Variants in PLCE1 observed in about 807,000 individuals in gnomAD.
PLCE1 encodes the protein 1-phosphatidylinositol 4,5-bisphosphate phosphodiesterase epsilon-1.
A neutral mutation model predicts 242.8 loss-of-function variants in PLCE1; 119 were observed. The ratio of observed to expected loss-of-function variants is 0.49; its 90% CI spans 0.42 to 0.57. The LOEUF (loss-of-function observed/expected upper bound fraction) is 0.57, where lower values mean the gene tolerates loss of function less well. Among genes scored for constraint, PLCE1 ranks in the 20% least tolerant of loss-of-function variants. The probability of loss-of-function intolerance (pLI) is 0.00; values close to 1 mark genes in which losing one functional copy is unlikely to be tolerated. For synonymous variants in PLCE1, 945 were observed against 1,017.4 expected, an observed-to-expected ratio of 0.93 and a Z score of 1.35; for missense variants, 2,441 against 2,788.8, an observed-to-expected ratio of 0.88 and a Z score of 2.81.
intron 1 of PLCE1, among the ~76,000 whole-genome samples, chr10:94,016,955 A>G (rs1453455827): frequency 6.6e-6 from 1 of 152,180 alleles, no homozygotes; most frequent in Non-Finnish European, 1.5e-5. Flanking sequence ...AATGAACTAT[A>G]CTTAACATGC....
intron 2 of PLCE1, among the ~76,000 whole-genome samples, chr10:94,087,742 C>G (rs1256646841): frequency 6.6e-6 from 1 of 152,126 alleles, no homozygotes; most frequent in Admixed American, 6.5e-5. Flanking sequence ...CATGCCTGTC[C>G]CCAACCTCCT....
rs1589883602 is a variant in PLCE1 at position 94,031,552 on chromosome 10, A to G, written c.506A>G (p.Gln169Arg). The G allele has an allele frequency of 2.5e-6, 4 of 1,612,372 alleles. No homozygotes were observed. The highest frequency in any genetic ancestry group is 3.4e-6 in the Non-Finnish European group (4 of 1,179,798). ...ATGGGCATTAGTCCTTTAGGAAATCAGTCAGTGATCATAGAGACAGGCAGA... is the reference window on the plus strand; with the variant it reads ...ATGGGCATTAGTCCTTTAGGAAATCGGTCAGTGATCATAGAGACAGGCAGA... ...PSMGISPLGNQSVIIETGRAH... is the reference protein window; with the variant it reads ...PSMGISPLGNRSVIIETGRAH... The change falls in exon 2 of 33, where the codon CAG (glutamine) becomes CGG (arginine). Residue 169 changes from glutamine to arginine, a missense_variant. Transcript: ENST00000371380.
chr10:94,084,137 T>C (rs1235471291), intron 2 of PLCE1, among the ~76,000 whole-genome samples: 1 of 152,236 alleles, frequency 6.6e-6, no homozygotes, highest in Non-Finnish European at 1.5e-5. Flanking sequence ...CAGCAGTAGC[T>C]GCCAGCAGTT....
chr10:94,092,260 G>A (rs2045105883), intron 2 of PLCE1, among the ~76,000 whole-genome samples: 1 of 152,124 alleles, frequency 6.6e-6, no homozygotes, highest in Non-Finnish European at 1.5e-5. Context: ...ATTTTGAGAG[G>A]CACGGGTGAG....
rs1398515210 is a variant in PLCE1, at chr10:94,332,708, T to A, written c.*4765T>A. ...TTAAAGGCATAATACAGCTGTGAAA[T>A]AGCTGATGAGTTTCTATTTTAAGCT... On this transcript the variant is annotated 3_prime_UTR_variant, in exon 33 of 33. Transcript: ENST00000371380. The A allele has an allele frequency of 6.6e-6, 1 of 152,194 alleles. No individual in the cohort carries two copies. Among genetic ancestry groups the A allele is most frequent in the African/African-American group, 2.4e-5 (1 of 41,450 alleles). The allele number at this position is 152,194 out of a possible 1,614,324, so 9.4% of individuals were successfully genotyped here. A position where few individuals can be genotyped will look rare whatever the true frequency, so the allele number is the denominator to read the frequency against.
At chr10:94,093,148 A>G (rs1265909158) in intron 2 of PLCE1, among the ~76,000 whole-genome samples, 1 of 152,204 alleles carries the variant, frequency 6.6e-6, no homozygotes, top group Non-Finnish European at 1.5e-5. Flanking sequence ...TTACTTTTGA[A>G]AGTCTAGCAG....
intron 2 of PLCE1, chr10:94,088,257 G>A (rs1298039779): frequency 3.3e-5 from 5 of 152,228 alleles, no homozygotes; most frequent in Non-Finnish European, 7.3e-5. Flanking sequence ...CTTACACATT[G>A]CCTGGCACAG....
chr10:94,290,775 T>C (rs1241724751), intron 22 of PLCE1, among the ~76,000 whole-genome samples: 1 of 152,142 alleles, frequency 6.6e-6, no homozygotes, highest in Non-Finnish European at 1.5e-5. Flanking sequence ...TGATAAAAAG[T>C]ATAGTAAATA....
At position 94,222,652 on chromosome 10, in the gene PLCE1, T is replaced by C. The variant is rs561892099; in HGVS notation, c.1810-4654T>C. 3.9e-5 allele frequency among the ~76,000 whole-genome samples: 6 copies of C among 152,048 alleles called. No homozygotes were observed. In the South Asian group the frequency reaches 1.2e-3, roughly 32 times the overall value. ...TTCCTTTAGGGGGCCAGGGCGTGAG[T>C]ACAAGGGAGGCCCCAGCATGTTGGC... On this transcript the variant is annotated intron_variant, in intron 4 of 32. Coordinates refer to ENST00000371380, the MANE Select transcript of PLCE1 (RefSeq NM_016341.4).
In PLCE1 at chr10:94,141,657, A is replaced by G. The variant is rs2046972371; in HGVS notation, c.1492+9198A>G. On this transcript the variant is annotated intron_variant, in intron 3 of 32. Transcript: ENST00000371380. ...GGAAAGAAAGAAGGAAGGAAAGAAG[A>G]AAGGGAGGGAGGGAGGAAAGAAAGA... Among the ~76,000 whole-genome samples the G allele has an allele frequency of 6.6e-5, 7 of 106,186 alleles. 1 individual carries two copies. The highest frequency in any genetic ancestry group is 2.9e-4 in the African/African-American group (6 of 21,032). 69.7% of individuals were successfully genotyped at this position (106,186 alleles called of 152,430 possible). A position where few individuals can be genotyped will look rare whatever the true frequency, so the allele number is the denominator to read the frequency against.
chr10:94,268,189 C>CAAA (rs2051583836), intron 16 of PLCE1, among the ~76,000 whole-genome samples: 1 of 152,164 alleles, frequency 6.6e-6, no homozygotes. Context: ...TAGGTATCAG[C>CAAA]TCATCTGATT....
Position 94,263,566 on chromosome 10 carries a change from C to G in PLCE1, c.4053+834C>G, listed in dbSNP as rs370208630. 2.3e-4 allele frequency among the ~76,000 whole-genome samples: 34 copies of G among 151,086 alleles called. No individual in the cohort carries two copies. The South Asian group carries it at 7.2e-3, about 32-fold the overall frequency. On this transcript the variant is annotated intron_variant, in intron 14 of 32. Transcript: ENST00000371380. Reference sequence around the variant, plus strand: ...AATCAGCCAGGCATGGTGGTCCACGCTTATAATCCCAGCTACCTGGGAGGC... The same window carrying G: ...AATCAGCCAGGCATGGTGGTCCACGGTTATAATCCCAGCTACCTGGGAGGC...
chr10:94,132,299 A>AT lies in PLCE1; in HGVS notation c.1333dup (p.Cys445LeufsTer8). The AT allele has an allele frequency of 6.2e-7, 1 of 1,614,066 alleles. No homozygotes were observed. Among genetic ancestry groups the AT allele is most frequent in the Non-Finnish European group, 8.5e-7 (1 of 1,179,990 alleles). On this transcript the variant is annotated frameshift_variant, in exon 3 of 33. Coordinates refer to ENST00000371380, the MANE Select transcript of PLCE1 (RefSeq NM_016341.4). LOFTEE classifies it high-confidence loss of function. ...TAAGCGTTGGTCCATGCTTAAAGCAATGTGTCCGAGACACTGTATGTGAGT... is the reference window on the plus strand; with the variant it reads ...TAAGCGTTGGTCCATGCTTAAAGCAATTGTGTCCGAGACACTGTATGTGAGT...
chr10:94,284,254 C>G (rs537537414), intron 21 of PLCE1, among the ~76,000 whole-genome samples: 66 of 152,258 alleles, frequency 4.3e-4, no homozygotes, highest in African/African-American at 1.5e-3. Context: ...AGGACAGGCT[C>G]TCAGGGAAGA....
At chr10:94,071,495 G>GTTTTTTTTTTTTGTTGTTGTTT (rs2044353147) in intron 2 of PLCE1, among the ~76,000 whole-genome samples, 4 of 83,314 alleles carry the variant, frequency 4.8e-5, no homozygotes, top group South Asian at 5.2e-4. Flanking sequence ...TTTGGTTTTC[G>GTTTTTTTTTTTTGTTGTTGTTT]TTTTTTTTTT....
intron 1 of PLCE1, among the ~76,000 whole-genome samples, chr10:93,998,264 G>C (rs1340247546): frequency 6.6e-6 from 1 of 152,166 alleles, no homozygotes; most frequent in African/African-American, 2.4e-5. Flanking sequence ...TAACCCCAAG[G>C]TTTCTCCTTT....
At chr10:94,059,043 T>A (rs1435838090) in intron 2 of PLCE1, among the ~76,000 whole-genome samples, 5 of 152,088 alleles carry the variant, frequency 3.3e-5, no homozygotes, top group African/African-American at 1.2e-4. Flanking sequence ...TTCCTATATG[T>A]CAGACCCACA....
intron 3 of PLCE1, among the ~76,000 whole-genome samples, chr10:94,154,777 G>A (rs1039477619): frequency 5.9e-5 from 9 of 151,618 alleles, no homozygotes; most frequent in Non-Finnish European, 1.0e-4. Context: ...GGTGACTCAC[G>A]CCTGTAATCT....
At chr10:94,115,406 C>T (rs1430301609) in intron 2 of PLCE1, among the ~76,000 whole-genome samples, 1 of 152,186 alleles carries the variant, frequency 6.6e-6, no homozygotes, top group Non-Finnish European at 1.5e-5. Context: ...GTTCCTATTT[C>T]TCCACATCCT....
Sources: gnomAD v4.1 joint callset for allele counts (sites outside exome capture counted in the v4.1 genomes callset) on GRCh38, gnomAD v4.1.1 for gene constraint, MANE v1.5 for transcripts, NCBI Gene and HGNC (gene_info 2026-07-23, HGNC 2026-07-21) for gene names.